BLNK: variants seen among roughly 807,000 people sequenced by gnomAD.
BLNK encodes B-cell linker protein.
Under a neutral mutation model 73.5 loss-of-function variants are expected in BLNK, and 29 were observed. The observed-to-expected ratio is 0.39, with a 90% CI of 0.29 to 0.54. The LOEUF (loss-of-function observed/expected upper bound fraction) is 0.54, where lower values mean the gene tolerates loss of function less well. Among genes scored for constraint, BLNK ranks in the 20% least tolerant of loss-of-function variants. The pLI is 0.61. For synonymous variants in BLNK, 176 were observed against 200.8 expected, an observed-to-expected ratio of 0.88 and a Z score of 1.04; for missense variants, 460 against 562.8, an observed-to-expected ratio of 0.82 and a Z score of 1.85.
chr10:96,199,608 G>C, intron 15 of BLNK: 1 of 441,180 alleles, frequency 2.3e-6, no homozygotes, highest in South Asian at 1.6e-5. Context: ...AGTTTCTCTT[G>C]AGTAAGTAAA....
chr10:96,207,612 G>A (rs2083851647), intron 10 of BLNK, among the ~76,000 whole-genome samples: 1 of 152,200 alleles, frequency 6.6e-6, no homozygotes, highest in African/African-American at 2.4e-5. Context: ...CAGGGAACCT[G>A]GCTGCCCCTC....
intron 1 of BLNK, among the ~76,000 whole-genome samples, chr10:96,257,048 C>T (rs73318839): frequency 0.05 from 7,555 of 152,032 alleles, 596 homozygotes; most frequent in African/African-American, 0.16. Flanking sequence ...GGAACAGCAG[C>T]CAGGTATCAG....
At chr10:96,261,428 T>C (rs1290693116) in intron 1 of BLNK, among the ~76,000 whole-genome samples, 4 of 152,184 alleles carry the variant, frequency 2.6e-5, no homozygotes, top group Non-Finnish European at 5.9e-5. Flanking sequence ...TTAAAGCAGA[T>C]TTTCAAAATA....
intron 2 of BLNK, among the ~76,000 whole-genome samples, chr10:96,243,670 CT>C (rs1842945825): frequency 6.6e-6 from 1 of 152,144 alleles, no homozygotes; most frequent in African/African-American, 2.4e-5. Flanking sequence ...AGTAAAGGTG[CT>C]TTAGTACCTT....
intron 4 of BLNK, among the ~76,000 whole-genome samples, chr10:96,229,690 G>A (rs587643552): frequency 9.4e-5 from 14 of 148,246 alleles, no homozygotes; most frequent in African/African-American, 1.3e-4. Context: ...GTGTGTGTTC[G>A]TGTGTGCACG....
intron 1 of BLNK, among the ~76,000 whole-genome samples, chr10:96,260,188 T>A (rs537416010): frequency 1.3e-5 from 2 of 152,272 alleles, no homozygotes; most frequent in African/African-American, 4.8e-5. Context: ...CCAAAAAAGT[T>A]AAGGGAGACT....
At chr10:96,215,166 C>A (rs781884893) in intron 8 of BLNK, among the ~76,000 whole-genome samples, 155 bp downstream of exon 8, 12 of 152,170 alleles carry the variant, frequency 7.9e-5, no homozygotes, top group Non-Finnish European at 1.6e-4. Context: ...GCCACTTCCA[C>A]ACACGTGCCA....
chr10:96,247,723 T>C (rs1843107467), intron 1 of BLNK, among the ~76,000 whole-genome samples: 1 of 152,212 alleles, frequency 6.6e-6, no homozygotes, highest in Admixed American at 6.5e-5. Context: ...ATTGATCCCC[T>C]CCTGTAACCA....
chr10:96,204,972 CTTG>C (rs67050860), intron 11 of BLNK: 100,566 of 331,522 alleles, frequency 0.3, 16,826 homozygotes, highest in Non-Finnish European at 0.35. Context: ...TCACCCTCTA[CTTG>C]CCATGTGGCC....
chr10:96,216,769 T>A (rs762478540), intron 6 of BLNK, 35 bp from the exon 7 acceptor site: 1 of 1,569,006 alleles, frequency 6.4e-7, no homozygotes. Context: ...AGAAGAATGC[T>A]GTACATTCAT....
chr10:96,256,685 A>C (rs1200463900), intron 1 of BLNK, among the ~76,000 whole-genome samples: 1 of 152,156 alleles, frequency 6.6e-6, no homozygotes, highest in African/African-American at 2.4e-5. Flanking sequence ...GTTCAAGACC[A>C]GCCTGGCCAA....
intron 3 of BLNK, among the ~76,000 whole-genome samples, chr10:96,234,843 G>A (rs1237586905): frequency 6.6e-6 from 1 of 152,246 alleles, no homozygotes; most frequent in Non-Finnish European, 1.5e-5. Flanking sequence ...TGGGGGAGAA[G>A]TTCAAGCTTC....
intron 1 of BLNK, among the ~76,000 whole-genome samples, chr10:96,267,677 G>C (rs1464277952): frequency 6.6e-6 from 1 of 152,192 alleles, no homozygotes; most frequent in Non-Finnish European, 1.5e-5. Flanking sequence ...CGCAGAGAAG[G>C]AATGTTTGTC....
chr10:96,238,838 G>A, intron 3 of BLNK: 1 of 296,588 alleles, frequency 3.4e-6, no homozygotes. Flanking sequence ...GGGATTGAGG[G>A]AATAAAATCT....
At chr10:96,231,694 T>C (rs1842503930) in intron 3 of BLNK, among the ~76,000 whole-genome samples, 1 of 145,174 alleles carries the variant, frequency 6.9e-6, no homozygotes. Context: ...GCCATTGCAC[T>C]CTAGCTGGGA....
intron 5 of BLNK, 127 bp from the exon 6 acceptor site, chr10:96,224,116 A>G: frequency 9.1e-7 from 1 of 1,099,964 alleles, no homozygotes; most frequent in Non-Finnish European, 1.3e-6. Flanking sequence ...TCCACGGGGC[A>G]TTCCTTGAAA....
intron 1 of BLNK, among the ~76,000 whole-genome samples, chr10:96,268,757 C>G (rs1160995080): frequency 3.3e-5 from 5 of 152,152 alleles, no homozygotes; most frequent in African/African-American, 1.2e-4. Context: ...GCTCCACTCT[C>G]TTTTCAGTCC....
intron 5 of BLNK, among the ~76,000 whole-genome samples, chr10:96,225,700 T>C (rs1336456111): frequency 6.6e-6 from 1 of 151,106 alleles, no homozygotes; most frequent in Non-Finnish European, 1.5e-5. Context: ...TGGAGTGCAG[T>C]GGTGCGATCT....
intron 3 of BLNK, chr10:96,239,261 T>G: frequency 7.5e-6 from 3 of 398,180 alleles, no homozygotes. Flanking sequence ...ACTTTATCAC[T>G]GGGCCCTGAG....
Sources: gnomAD v4.1 joint callset for allele counts (sites outside exome capture counted in the v4.1 genomes callset) on GRCh38, gnomAD v4.1.1 for gene constraint, MANE v1.5 for transcripts, NCBI Gene and HGNC (gene_info 2026-07-23, HGNC 2026-07-21) for gene names.